Variants in TNS1 observed in about 807,000 individuals in gnomAD.
The protein encoded by TNS1 is tensin 1, also known as tensin-1.
In TNS1, 62 loss-of-function variants were observed where a neutral mutation model predicts 168.6. The ratio of observed to expected loss-of-function variants is 0.37; its 90% CI spans 0.30 to 0.45. The LOEUF is 0.45. TNS1 is among the 20% of genes least tolerant of loss of function. The pLI is 1.00. For synonymous variants in TNS1, 934 were observed against 933.2 expected, an observed-to-expected ratio of 1.00 and a Z score of -0.02; for missense variants, 2,240 against 2,339.4, an observed-to-expected ratio of 0.96 and a Z score of 0.88.
At chr2:217,976,285 T>C (rs1383203434) in intron 3 of TNS1, among the ~76,000 whole-genome samples, 1 of 152,196 alleles carries the variant, frequency 6.6e-6, no homozygotes, top group Non-Finnish European at 1.5e-5. Flanking sequence ...TAATGAATCC[T>C]GCCTAGAAGC....
chr2:217,928,930 C>T (rs1010915885), intron 3 of TNS1, among the ~76,000 whole-genome samples: 1 of 152,208 alleles, frequency 6.6e-6, no homozygotes, highest in African/African-American at 2.4e-5. Flanking sequence ...CCACCTCTAA[C>T]CACACCCACA....
At chr2:217,926,683 GCT>G (rs1269894077) in intron 3 of TNS1, among the ~76,000 whole-genome samples, 1 of 152,226 alleles carries the variant, frequency 6.6e-6, no homozygotes, top group Non-Finnish European at 1.5e-5. Flanking sequence ...TCATTGCTAA[GCT>G]CTCTGCATGT....
chr2:218,023,297 G>A (rs1958825410), intron 1 of TNS1, among the ~76,000 whole-genome samples: 1 of 152,176 alleles, frequency 6.6e-6, no homozygotes, highest in Non-Finnish European at 1.5e-5. Flanking sequence ...CAATAATGGA[G>A]AGACTGTGGG....
At chr2:217,861,855 T>C (rs1420654047) in intron 18 of TNS1, among the ~76,000 whole-genome samples, 1 of 152,216 alleles carries the variant, frequency 6.6e-6, no homozygotes, top group Non-Finnish European at 1.5e-5. Context: ...CTGTGCCCCC[T>C]GAGCAGTACC....
rs1414951068 is a variant in TNS1 at position 217,895,009 on chromosome 2, G to C, written c.591C>G (p.Ala197=). 1 of 1,612,822 alleles carries C rather than the reference G, an allele frequency of 6.2e-7. No individual in the cohort carries two copies. The highest frequency in any genetic ancestry group is 8.5e-7 in the Non-Finnish European group (1 of 1,179,686). Residue 197 remains alanine (A), a synonymous_variant, in exon 9 of 33, where the codon GCC becomes GCG. Transcript: ENST00000682258. ...CCCAAAACAGCCCCTGGCTCACCTT[G>C]GCATGGAGCTTCGTGATGTCAGGTC... is the stretch of plus-strand genomic sequence containing the variant. The part of the protein sequence containing the change: ...ERRPDITKLH[A]KVLEFGWPDL...
chr2:217,963,912 G>A (rs77748418), intron 3 of TNS1, among the ~76,000 whole-genome samples: 16,001 of 142,152 alleles, frequency 0.11, 945 homozygotes, highest in Middle Eastern at 0.15. Flanking sequence ...AAAATTAGTC[G>A]GGTGTGGTAA....
At chr2:217,958,232 T>C (rs184626041) in intron 3 of TNS1, among the ~76,000 whole-genome samples, 375 of 152,224 alleles carry the variant, frequency 2.5e-3, no homozygotes, top group Non-Finnish European at 4.3e-3. Flanking sequence ...TTAAATGAAG[T>C]GAGCAGTCGT....
At chr2:217,901,556 T>C (rs922001649) in intron 6 of TNS1, among the ~76,000 whole-genome samples, 8 of 152,216 alleles carry the variant, frequency 5.3e-5, no homozygotes, top group Non-Finnish European at 1.2e-4. Flanking sequence ...AGTTTCTAGA[T>C]TCTCAGACCT....
chr2:218,016,180 C>G (rs1958758188), intron 1 of TNS1, among the ~76,000 whole-genome samples: 1 of 152,164 alleles, frequency 6.6e-6, no homozygotes, highest in African/African-American at 2.4e-5. Context: ...GGGAAACCAG[C>G]CCACTGGCCA....
chr2:217,900,377 G>C, intron 7 of TNS1, 86 bp downstream of exon 7: 1 of 1,456,474 alleles, frequency 6.9e-7, no homozygotes, highest in Non-Finnish European at 9.3e-7. Flanking sequence ...GCAGTCCGGG[G>C]GACCCAGAGG....
intron 3 of TNS1, among the ~76,000 whole-genome samples, chr2:217,968,650 A>G (rs1034980889): frequency 3.3e-5 from 5 of 152,192 alleles, no homozygotes; most frequent in Admixed American, 2.6e-4. Flanking sequence ...AAATATAAAC[A>G]TATCTCATGC....
At position 217,886,634 on chromosome 2, in the gene TNS1, G is replaced by A. The variant is rs1266477203; in HGVS notation, c.879C>T (p.Tyr293=). The A allele has an allele frequency of 6.3e-7, 1 of 1,585,632 alleles. No individual in the cohort carries two copies. The highest frequency in any genetic ancestry group is 8.6e-7 in the Non-Finnish European group (1 of 1,165,292). Reference sequence around the variant, plus strand: ...TGGAGCCGGAGAGCAGGCCACTGAAGTAATGCACGTACCTGTAGTGGTGGG... The same window carrying A: ...TGGAGCCGGAGAGCAGGCCACTGAAATAATGCACGTACCTGTAGTGGTGGG... The part of the protein sequence containing the change: ...GQPSQRRYVH[Y]FSGLLSGSIK... The change falls in exon 13 of 33, where the codon TAC becomes TAT. Residue 293 remains tyrosine, a synonymous_variant. Transcript: ENST00000682258.
chr2:217,897,825 G>C lies in TNS1; in HGVS notation c.516C>G (p.Leu172=). 1 of 1,609,602 alleles carries C rather than the reference G, an allele frequency of 6.2e-7. No individual in the cohort carries two copies. Among genetic ancestry groups the C allele is most frequent in the Non-Finnish European group, 8.5e-7 (1 of 1,177,702 alleles). Residue 172 remains leucine (L), a synonymous_variant, in exon 8 of 33, where the codon CTC becomes CTG. Coordinates refer to ENST00000682258, the MANE Select transcript of TNS1 (RefSeq NM_001387777.1). ...GGTAGTTGCCTCCATGTTTGGACTTGAGCATCTGCGCCACCTCACGGAGGT... is the reference window on the plus strand; with the variant it reads ...GGTAGTTGCCTCCATGTTTGGACTTCAGCATCTGCGCCACCTCACGGAGGT... ...RSNLREVAQM[L]KSKHGGNYLL...
intron 19 of TNS1, among the ~76,000 whole-genome samples, chr2:217,836,724 T>G (rs923613139): frequency 6.6e-6 from 1 of 152,184 alleles, no homozygotes; most frequent in Non-Finnish European, 1.5e-5. Context: ...CCAGCCCCAG[T>G]TGGCCTCTGG....
intron 1 of TNS1, among the ~76,000 whole-genome samples, 180 bp downstream of exon 1, chr2:218,002,660 T>G (rs1271191153): frequency 6.6e-6 from 1 of 151,996 alleles, no homozygotes; most frequent in Non-Finnish European, 1.5e-5. Flanking sequence ...GGGAAAGTCT[T>G]CCGGCTGAGG....
At position 217,804,289 on chromosome 2, in the gene TNS1, T is replaced by TCTC. The variant is rs71057580; in HGVS notation, c.*169_*170insGAG. The TCTC allele has an allele frequency of 5.3e-5, 37 of 700,646 alleles. No individual in the cohort carries two copies. The highest frequency in any genetic ancestry group is 5.8e-5 in the Admixed American group (2 of 34,270). 43.4% of individuals were successfully genotyped at this position (700,646 alleles called of 1,614,324 possible). A position where few individuals can be genotyped will look rare whatever the true frequency, so the allele number is the denominator to read the frequency against. On this transcript the variant is annotated 3_prime_UTR_variant, in exon 33 of 33. Transcript: ENST00000682258. ...CTCTCTCTCTCTCTCTCTCTCTCTC[T>TCTC]TTTCCCCCTCCCCTCTGCAATTCAC...
chr2:217,952,176 C>T (rs1338967279), intron 3 of TNS1, among the ~76,000 whole-genome samples: 1 of 152,226 alleles, frequency 6.6e-6, no homozygotes, highest in African/African-American at 2.4e-5. Flanking sequence ...CTGATGGGCA[C>T]TTAACATGTG....
chr2:217,924,680 C>G (rs1955919452), intron 3 of TNS1, among the ~76,000 whole-genome samples: 1 of 152,288 alleles, frequency 6.6e-6, no homozygotes, highest in South Asian at 2.1e-4. Flanking sequence ...TCTCCGAGAC[C>G]CTCCAAGCCC....
chr2:217,891,611 C>G (rs1480951633), intron 11 of TNS1, among the ~76,000 whole-genome samples: 1 of 152,226 alleles, frequency 6.6e-6, no homozygotes, highest in African/African-American at 2.4e-5. Context: ...CCTCACAGAG[C>G]ACTCAGAGAA....
Sources: allele counts gnomAD v4.1 joint callset (sites outside exome capture counted in the v4.1 genomes callset), GRCh38; gene constraint gnomAD v4.1.1; transcripts MANE v1.5; gene names NCBI Gene and HGNC (gene_info 2026-07-23, HGNC 2026-07-21).